The following FAM83B variants were observed in gnomAD, a reference collection of about 807,000 sequenced individuals.
FAM83B encodes scaffolding CK1 anchoring protein B.
A neutral mutation model predicts 38.8 loss-of-function variants in FAM83B; 26 were observed. That is an observed-to-expected ratio of 0.67 (90% CI 0.49 to 0.93). The LOEUF (loss-of-function observed/expected upper bound fraction) is 0.93. FAM83B is among the 40% of genes least tolerant of loss of function. The pLI is 0.00. For synonymous variants in FAM83B, 419 were observed against 423.1 expected, an observed-to-expected ratio of 0.99 and a Z score of 0.12; for missense variants, 1,237 against 1,197.3, an observed-to-expected ratio of 1.03 and a Z score of -0.49.
At chr6:54,858,945 G>A (rs963570584) in intron 1 of FAM83B, among the ~76,000 whole-genome samples, 1 of 151,944 alleles carries the variant, frequency 6.6e-6, no homozygotes, top group Non-Finnish European at 1.5e-5. Context: ...CTTTATAAAT[G>A]GGTAATATTT....
chr6:54,870,228 T>C lies in FAM83B; in HGVS notation c.-19T>C, dbSNP rs373799741. The C allele has an allele frequency of 2.5e-5, 40 of 1,596,798 alleles. No homozygotes were observed. Among genetic ancestry groups the C allele is most frequent in the Non-Finnish European group, 3.2e-5 (37 of 1,166,516 alleles). On this transcript the variant is annotated 5_prime_UTR_variant, in exon 2 of 5. The change abolishes the stop of an existing upstream ORF in the 5' untranslated region. Transcript: ENST00000306858. ...CATGAATGGACATTTGAAAGTGCCA[T>C]AGCCAAACACTTGCAAGCATGGAGA... is the stretch of plus-strand genomic sequence containing the variant.
intron 2 of FAM83B, among the ~76,000 whole-genome samples, chr6:54,886,631 C>T (rs1772281857): frequency 6.6e-6 from 1 of 151,800 alleles, no homozygotes; most frequent in African/African-American, 2.4e-5. Context: ...GTTATCTTTT[C>T]ATCCTTCATA....
intron 3 of FAM83B, 69 bp from the exon 4 acceptor site, chr6:54,927,439 T>C (rs1773319610): frequency 2.3e-6 from 3 of 1,297,604 alleles, no homozygotes; most frequent in East Asian, 2.5e-5. Flanking sequence ...TATCATGATA[T>C]GGATTTTGGT....
At chr6:54,873,817 G>T (rs1193966288) in intron 2 of FAM83B, among the ~76,000 whole-genome samples, 3 of 151,396 alleles carry the variant, frequency 2.0e-5, no homozygotes, top group Non-Finnish European at 2.9e-5. Context: ...CCCAGGAAAA[G>T]ATCTCAGATA....
At chr6:54,910,106 C>T (rs750693893) in intron 2 of FAM83B, among the ~76,000 whole-genome samples, 13 of 152,088 alleles carry the variant, frequency 8.5e-5, no homozygotes, top group Non-Finnish European at 1.8e-4. Flanking sequence ...AAGCCAGGAG[C>T]TTTCTTCTGA....
At chr6:54,924,843 A>T (rs1203189150) in intron 2 of FAM83B, among the ~76,000 whole-genome samples, 4 of 152,108 alleles carry the variant, frequency 2.6e-5, no homozygotes, top group Non-Finnish European at 5.9e-5. Flanking sequence ...TTGCACCAGT[A>T]GTTCTAACTG....
chr6:54,869,907 G>T (rs1395545319), intron 1 of FAM83B, among the ~76,000 whole-genome samples: 1 of 152,064 alleles, frequency 6.6e-6, no homozygotes, highest in Non-Finnish European at 1.5e-5. Flanking sequence ...TTAATGGCTG[G>T]GTAGGCATTG....
At chr6:54,891,606 C>T (rs1233603467) in intron 2 of FAM83B, among the ~76,000 whole-genome samples, 3 of 152,144 alleles carry the variant, frequency 2.0e-5, no homozygotes, top group Non-Finnish European at 4.4e-5. Context: ...AGCATATTTA[C>T]CTGTGGCCCA....
intron 1 of FAM83B, among the ~76,000 whole-genome samples, chr6:54,853,338 C>A (rs9464151): frequency 0.66 from 99,676 of 151,976 alleles, 33,737 homozygotes; most frequent in African/African-American, 0.78. Context: ...ATGTAGGTGA[C>A]ACAGCCTTCT....
chr6:54,904,587 G>A (rs576107357), intron 2 of FAM83B, among the ~76,000 whole-genome samples: 2 of 152,146 alleles, frequency 1.3e-5, no homozygotes, highest in Non-Finnish European at 2.9e-5. Flanking sequence ...TATGGATATG[G>A]CTTCACCTCT....
chr6:54,906,523 C>CA (rs1246477561), intron 2 of FAM83B, among the ~76,000 whole-genome samples: 1 of 151,884 alleles, frequency 6.6e-6, no homozygotes, highest in Non-Finnish European at 1.5e-5. Flanking sequence ...TAGCTGCTAT[C>CA]ACAGGCGCGT....
chr6:54,937,769 C>T (rs1179662024), intron 4 of FAM83B, among the ~76,000 whole-genome samples: 1 of 152,164 alleles, frequency 6.6e-6, no homozygotes. Context: ...ACTGGCTTTA[C>T]TGCATTCTGC....
At chr6:54,899,372 T>C (rs1401643554) in intron 2 of FAM83B, among the ~76,000 whole-genome samples, 2 of 152,196 alleles carry the variant, frequency 1.3e-5, no homozygotes, top group East Asian at 3.9e-4. Context: ...TTGTAGTAAA[T>C]GTAGCAACTC....
intron 1 of FAM83B, among the ~76,000 whole-genome samples, chr6:54,848,129 G>T (rs1172848247): frequency 4.6e-5 from 7 of 152,058 alleles, no homozygotes; most frequent in Middle Eastern, 3.4e-3. Context: ...GCGGTGGGAG[G>T]CTCAAAATGA....
At chr6:54,851,837 C>T (rs1176117895) in intron 1 of FAM83B, among the ~76,000 whole-genome samples, 3 of 151,512 alleles carry the variant, frequency 2.0e-5, no homozygotes, top group African/African-American at 4.8e-5. Context: ...TTAGTAGAGA[C>T]GGGGTTTCAC....
Position 54,890,541 on chromosome 6 carries a change from A to G in FAM83B, c.444+19851A>G, listed in dbSNP as rs10485137. On this transcript the variant is annotated intron_variant, in intron 2 of 4. Transcript: ENST00000306858. ...GTGAGATCAAAGAAATTAAGAGTCC[A>G]AACAATTATTTTAACATAATAGTAC... Among the ~76,000 whole-genome samples the G allele has an allele frequency of 0.012, 1,897 of 152,254 alleles. 140 individuals are homozygous for G. In the East Asian group the frequency reaches 0.2, roughly 16 times the overall value.
intron 4 of FAM83B, among the ~76,000 whole-genome samples, chr6:54,938,497 G>A (rs1773570183): frequency 6.6e-6 from 1 of 152,066 alleles, no homozygotes; most frequent in Non-Finnish European, 1.5e-5. Flanking sequence ...GTGTAAAAAT[G>A]TTCTCTTTTC....
intron 4 of FAM83B, among the ~76,000 whole-genome samples, chr6:54,936,371 C>G (rs1419958489): frequency 6.6e-6 from 1 of 151,904 alleles, no homozygotes; most frequent in Non-Finnish European, 1.5e-5. Flanking sequence ...TCTTTTGGTT[C>G]TTTCTTTTTA....
intron 2 of FAM83B, among the ~76,000 whole-genome samples, chr6:54,877,953 C>T (rs897581516): frequency 6.6e-6 from 1 of 152,116 alleles, no homozygotes; most frequent in African/African-American, 2.4e-5. Context: ...TAAAAAGTAT[C>T]ATGTGGTTGT....
Sources: gnomAD v4.1 joint callset for allele counts (sites outside exome capture counted in the v4.1 genomes callset) on GRCh38, gnomAD v4.1.1 for gene constraint, MANE v1.5 for transcripts, NCBI Gene and HGNC (gene_info 2026-07-23, HGNC 2026-07-21) for gene names.